Variants in KDM6A observed in about 807,000 individuals in gnomAD.
The protein encoded by KDM6A is lysine-specific demethylase 6A.
In KDM6A, 11 loss-of-function variants were observed where a neutral mutation model predicts 117.6. That is an observed-to-expected ratio of 0.09 (90% confidence interval 0.06 to 0.15). The LOEUF is 0.15. KDM6A is among the 10% of genes least tolerant of loss of function. The pLI is 1.00. For missense variants in KDM6A, 799 were observed against 1,077.3 expected, an observed-to-expected ratio of 0.74 and a Z score of 3.62; for synonymous variants, 384 against 396.1, an observed-to-expected ratio of 0.97 and a Z score of 0.36.
At position 44,964,969 on chromosome X, in the gene KDM6A, C is replaced by G. The variant is rs779246812; in HGVS notation, c.334+3577C>G. ...AAAATCTGTTGTTTAGTGTAGCTAC[C>G]TTTATCAGTGATCTTAGCTAGATCT... On this transcript the variant is annotated intron_variant, in intron 3 of 29. Coordinates refer to ENST00000611820, the MANE Select transcript of KDM6A (RefSeq NM_001291415.2). 3.6e-5 allele frequency among the ~76,000 whole-genome samples: 4 copies of G among 112,491 alleles called. No homozygotes were observed. The South Asian group carries it at 1.5e-3, about 41-fold the overall frequency.
chrX:45,040,666 C>T (rs1392536179), intron 8 of KDM6A, among the ~76,000 whole-genome samples: 3 of 76,311 alleles, frequency 3.9e-5, no homozygotes, highest in Admixed American at 1.3e-4. Flanking sequence ...GCTGGCCGGG[C>T]GGGGGGCTGA....
At chrX:44,991,321 T>C (rs2040568201) in intron 4 of KDM6A, among the ~76,000 whole-genome samples, 1 of 109,361 alleles carries the variant, frequency 9.1e-6, no homozygotes, top group Admixed American at 9.7e-5. Flanking sequence ...TCTTTTTCTC[T>C]TCTCTCTCTC....
chrX:45,088,994 A>AAATT (rs1379851568), intron 25 of KDM6A, among the ~76,000 whole-genome samples: 3 of 111,660 alleles, frequency 2.7e-5, no homozygotes, highest in Non-Finnish European at 1.9e-5. Flanking sequence ...TTTTCCTCAG[A>AAATT]AATTAAGGGA....
intron 17 of KDM6A, among the ~76,000 whole-genome samples, chrX:45,068,666 A>G (rs1014527896): frequency 4.6e-5 from 5 of 108,377 alleles, no homozygotes; most frequent in Non-Finnish European, 7.7e-5. Flanking sequence ...CCTGGGCTCA[A>G]GAGATCCTCC....
At chrX:44,950,543 C>A (rs767200468) in intron 2 of KDM6A, among the ~76,000 whole-genome samples, 104 of 110,531 alleles carry the variant, frequency 9.4e-4, no homozygotes, top group South Asian at 2.3e-3. Flanking sequence ...GCTGTTGTGT[C>A]AATACAGCTT....
intron 2 of KDM6A, among the ~76,000 whole-genome samples, chrX:44,959,829 C>G (rs1602349034): frequency 2.7e-5 from 3 of 111,406 alleles, no homozygotes; most frequent in East Asian, 5.6e-4. Context: ...AGCATTCAGA[C>G]TTTTTTAATT....
intron 4 of KDM6A, among the ~76,000 whole-genome samples, chrX:44,991,678 TTTG>T (rs752362184): frequency 1.7e-4 from 19 of 111,528 alleles, no homozygotes; most frequent in South Asian, 7.4e-4. Context: ...AGTGGGTGTT[TTTG>T]TTGTTGTTGT....
At chrX:45,006,601 T>A (rs1419546996) in intron 4 of KDM6A, among the ~76,000 whole-genome samples, 1 of 109,810 alleles carries the variant, frequency 9.1e-6, no homozygotes, top group Non-Finnish European at 1.9e-5. Context: ...GGGTGAGTGG[T>A]TTGGTGGGAA....
chrX:45,057,589 A>G (rs2044126840), intron 10 of KDM6A, among the ~76,000 whole-genome samples: 1 of 111,096 alleles, frequency 9.0e-6, no homozygotes. Context: ...TAATATTCCT[A>G]TAAAGTGCTT....
chrX:44,970,631 A>C, intron 3 of KDM6A, among the ~76,000 whole-genome samples: 1 of 111,831 alleles, frequency 8.9e-6, no homozygotes, highest in Non-Finnish European at 1.9e-5. Context: ...TACAAGGGCA[A>C]TCTCCAGGTT....
At chrX:45,047,590 G>A (rs772316314) in intron 8 of KDM6A, among the ~76,000 whole-genome samples, 21 of 98,318 alleles carry the variant, frequency 2.1e-4, no homozygotes, top group South Asian at 4.7e-4. Context: ...TCTCTTTCTG[G>A]AGTATGATTT....
At chrX:45,109,180 TAAA>T (rs201347477) in intron 28 of KDM6A, among the ~76,000 whole-genome samples, 6 of 100,206 alleles carry the variant, frequency 6.0e-5, no homozygotes, top group Admixed American at 1.1e-4. Context: ...AAAGTACCTG[TAAA>T]AAAAAAAAAG....
At chrX:44,995,396 C>T (rs2040817619) in intron 4 of KDM6A, among the ~76,000 whole-genome samples, 2 of 110,580 alleles carry the variant, frequency 1.8e-5, no homozygotes, top group Non-Finnish European at 3.8e-5. Context: ...TACTGCTTGC[C>T]ATTGGCCTTA....
intron 2 of KDM6A, among the ~76,000 whole-genome samples, chrX:44,941,485 T>C (rs771899653): frequency 9.2e-6 from 1 of 108,296 alleles, no homozygotes; most frequent in Admixed American, 9.8e-5. Context: ...GTACCAGTTT[T>C]TTTTTTTTTT....
At chrX:44,945,658 A>G (rs180866231) in intron 2 of KDM6A, among the ~76,000 whole-genome samples, 1 of 111,869 alleles carries the variant, frequency 8.9e-6, no homozygotes, top group Non-Finnish European at 1.9e-5. Context: ...GGTATTTTGG[A>G]TGGTCAAATT....
intron 2 of KDM6A, among the ~76,000 whole-genome samples, chrX:44,932,416 C>T (rs956761220): frequency 2.7e-5 from 3 of 110,540 alleles, no homozygotes; most frequent in Non-Finnish European, 5.7e-5. Flanking sequence ...TGGCCATCTA[C>T]GTAGCCTTTT....
chrX:45,106,956 T>C, intron 27 of KDM6A: 1 of 188,133 alleles, frequency 5.3e-6, no homozygotes, highest in South Asian at 8.8e-5. Flanking sequence ...ATGATGCTGT[T>C]AATGAGTGTT....
At chrX:44,991,891 C>T (rs2040605922) in intron 4 of KDM6A, among the ~76,000 whole-genome samples, 2 of 110,291 alleles carry the variant, frequency 1.8e-5, no homozygotes, top group Non-Finnish European at 3.8e-5. Flanking sequence ...GGGGTTTCAC[C>T]ATGGCCAGGC....
intron 2 of KDM6A, among the ~76,000 whole-genome samples, chrX:44,877,091 A>G (rs1385748162): frequency 1.8e-5 from 2 of 111,924 alleles, no homozygotes; most frequent in Non-Finnish European, 3.8e-5. Flanking sequence ...GCATATGCGT[A>G]TGTATACGTA....
Sources: gnomAD v4.1 joint callset for allele counts (sites outside exome capture counted in the v4.1 genomes callset) on GRCh38, gnomAD v4.1.1 for gene constraint, MANE v1.5 for transcripts, NCBI Gene and HGNC (gene_info 2026-07-23, HGNC 2026-07-21) for gene names.